FAT3: variants seen among roughly 807,000 people sequenced by gnomAD.
The protein encoded by FAT3 is FAT atypical cadherin 3.
FAT3 carries 95 observed loss-of-function variants against 310.2 expected under a neutral mutation model. The observed-to-expected ratio is 0.31, with a 90% CI of 0.26 to 0.36. The LOEUF (loss-of-function observed/expected upper bound fraction) is 0.36. Ranked by LOEUF, FAT3 falls within the 10% of genes least tolerant of loss-of-function variation. The pLI, the probability that FAT3 is intolerant of heterozygous loss-of-function variation, is 1.00. For missense variants in FAT3, 5,408 were observed against 5,715.6 expected (o/e 0.95, Z 1.74); for synonymous variants, 2,314 against 2,192.9 (o/e 1.06, Z -1.54).
chr11:92,856,135 T>C (rs1301062713), intron 19 of FAT3, among the ~76,000 whole-genome samples: 1 of 152,062 alleles, frequency 6.6e-6, no homozygotes, highest in Non-Finnish European at 1.5e-5. Context: ...CATGAACCAC[T>C]GCACTTGGCT....
At chr11:92,630,868 G>T (rs1457318721) in intron 3 of FAT3, among the ~76,000 whole-genome samples, 2 of 152,136 alleles carry the variant, frequency 1.3e-5, no homozygotes, top group South Asian at 4.1e-4. Context: ...CATATTCTCA[G>T]CTAGTAGCAG....
intron 2 of FAT3, among the ~76,000 whole-genome samples, chr11:92,401,277 C>T (rs1591232590): frequency 2.0e-5 from 3 of 152,068 alleles, no homozygotes; most frequent in South Asian, 4.1e-4. Context: ...GGCTTTTCCC[C>T]CTGGAACTCT....
At chr11:92,608,937 C>A (rs1565454277) in intron 3 of FAT3, among the ~76,000 whole-genome samples, 1 of 152,102 alleles carries the variant, frequency 6.6e-6, no homozygotes, top group Non-Finnish European at 1.5e-5. Context: ...GCTACAGTAT[C>A]ATGGCACAGA....
chr11:92,342,266 T>C (rs183222096), intron 1 of FAT3, among the ~76,000 whole-genome samples: 1 of 152,270 alleles, frequency 6.6e-6, no homozygotes, highest in Non-Finnish European at 1.5e-5. Context: ...ACCTCAATGA[T>C]GTATGGCAGC....
chr11:92,321,267 T>C (rs912769239), intron 1 of FAT3, among the ~76,000 whole-genome samples: 7 of 151,926 alleles, frequency 4.6e-5, no homozygotes, highest in Non-Finnish European at 7.4e-5. Flanking sequence ...AAACCCCATC[T>C]CTACTAAAAA....
chr11:92,831,700 T>C lies in FAT3; in HGVS notation c.9560T>C (p.Ile3187Thr). ...TCCATTGACAGCTCATCTGGCATCATCATCCTGGAGCAGCCACTGGACCGT... is the reference window on the plus strand; with the variant it reads ...TCCATTGACAGCTCATCTGGCATCACCATCCTGGAGCAGCCACTGGACCGT... ...VFSIDSSSGIIILEQPLDREQ... is the reference protein window; with the variant it reads ...VFSIDSSSGITILEQPLDREQ... Residue 3187 changes from isoleucine (I) to threonine (T), a missense_variant, in exon 14 of 28, where the codon ATC becomes ACC. Ile to Thr is a moderately conservative substitution (Grantham distance 89). Around this residue, in one of 5 missense-constraint regions of FAT3, gnomAD observed 4,588 missense variants for 4,809.8 expected, o/e 0.95. Coordinates refer to ENST00000525166, the MANE Select transcript of FAT3 (RefSeq NM_001367949.2). 1 of 1,613,570 alleles carries C rather than the reference T, an allele frequency of 6.2e-7. No homozygotes were observed. Among genetic ancestry groups the C allele is most frequent in the Non-Finnish European group, 8.5e-7 (1 of 1,179,780 alleles).
At chr11:92,575,832 C>T (rs1015383715) in intron 3 of FAT3, among the ~76,000 whole-genome samples, 20 of 152,002 alleles carry the variant, frequency 1.3e-4, no homozygotes, top group African/African-American at 4.6e-4. Flanking sequence ...GAAGGCTTTT[C>T]TTCAGGACTG....
chr11:92,695,248 T>C (rs774518126), intron 3 of FAT3, among the ~76,000 whole-genome samples: 29 of 152,182 alleles, frequency 1.9e-4, no homozygotes, highest in Non-Finnish European at 4.1e-4. Context: ...ACTTTACTCT[T>C]AGAATCAGAG....
intron 2 of FAT3, among the ~76,000 whole-genome samples, chr11:92,457,125 G>T (rs1378699572): frequency 1.3e-5 from 2 of 152,182 alleles, no homozygotes; most frequent in Non-Finnish European, 2.9e-5. Flanking sequence ...ATGAAGACCA[G>T]AAAGAGCCTC....
At chr11:92,882,602 C>A (rs1555169715) in intron 23 of FAT3, 136 bp from the exon 24 acceptor site, 34 of 522,612 alleles carry the variant, frequency 6.5e-5, no homozygotes, top group Non-Finnish European at 3.9e-5. Flanking sequence ...CCCCACCAAC[C>A]ATCTTTGTCC....
chr11:92,664,713 T>C (rs935461818), intron 3 of FAT3, among the ~76,000 whole-genome samples: 1 of 152,222 alleles, frequency 6.6e-6, no homozygotes, highest in African/African-American at 2.4e-5. Context: ...ATACATGCTT[T>C]CATCCCAGAA....
At position 92,866,964 on chromosome 11, in the gene FAT3, TG is replaced by T. The variant is rs749536707; in HGVS notation, c.11884del (p.Val3962CysfsTer9). On this transcript the variant is annotated frameshift_variant, in exon 22 of 28. Transcript: ENST00000525166. LOFTEE classifies it high-confidence loss of function. ...STESSIYFGA[L>X]VQADNIRSLT... is the part of the protein sequence containing the mutation. ...GAGAGTAGCATCTACTTCGGCGCCCTGGTGCAAGCGGATAACATCCGCAGCC... is the reference window on the plus strand; with the variant it reads ...GAGAGTAGCATCTACTTCGGCGCCCTGTGCAAGCGGATAACATCCGCAGCC... 6.2e-7 allele frequency: 1 copy of T among 1,613,020 alleles called. No individual in the cohort carries two copies. The highest frequency in any genetic ancestry group is 1.7e-5 in the Admixed American group (1 of 59,964).
At chr11:92,230,995 T>G (rs1435238723) in intron 1 of FAT3, among the ~76,000 whole-genome samples, 1 of 152,226 alleles carries the variant, frequency 6.6e-6, no homozygotes, top group Non-Finnish European at 1.5e-5. Context: ...AGCTCCTTTT[T>G]GGAAGAACGT....
At chr11:92,789,762 G>A (rs1454624947) in intron 7 of FAT3, among the ~76,000 whole-genome samples, 181 bp from the exon 8 acceptor site, 2 of 152,072 alleles carry the variant, frequency 1.3e-5, no homozygotes, top group African/African-American at 2.4e-5. Context: ...ATAAACTACT[G>A]GTTTATTGTC....
At chr11:92,233,972 G>A (rs1214586892) in intron 1 of FAT3, among the ~76,000 whole-genome samples, 1 of 152,162 alleles carries the variant, frequency 6.6e-6, no homozygotes, top group African/African-American at 2.4e-5. Context: ...CATATCCAAA[G>A]AGAAAGAGGG....
chr11:92,234,536 GCAGGCAGA>G (rs1489294029), intron 1 of FAT3, among the ~76,000 whole-genome samples: 1 of 151,956 alleles, frequency 6.6e-6, no homozygotes. Flanking sequence ...GGAGGCTGAG[GCAGGCAGA>G]TCACCTGAGG....
At chr11:92,234,985 C>A (rs1049294057) in intron 1 of FAT3, among the ~76,000 whole-genome samples, 3 of 151,568 alleles carry the variant, frequency 2.0e-5, no homozygotes, top group Admixed American at 1.3e-4. Flanking sequence ...GCAGGAGAAT[C>A]GCTTCAACCT....
intron 2 of FAT3, among the ~76,000 whole-genome samples, chr11:92,477,215 T>C (rs1952073015): frequency 6.6e-6 from 1 of 152,218 alleles, no homozygotes; most frequent in Non-Finnish European, 1.5e-5. Context: ...TCTATGGTAA[T>C]GTGAGACTGC....
In FAT3 at chr11:92,809,845, G is replaced by A. The variant is rs778044804; in HGVS notation, c.9250G>A (p.Glu3084Lys). ...SEFFLDPESG[E>K]LKTLALLDRE... ...CATGCTGCCATTTATTTTCACAGGC[G>A]AGTTAAAAACCTTGGCTCTGTTGGA... Residue 3084 changes from glutamate to lysine, a missense_variant and splice_region_variant, in exon 13 of 28, where the codon GAG becomes AAG. By Grantham distance (56) the Glu-to-Lys change is moderately conservative. This residue lies in a region of FAT3 where 4,588 missense variants were observed against 4,809.8 expected (regional missense o/e 0.95). Coordinates refer to ENST00000525166, the MANE Select transcript of FAT3 (RefSeq NM_001367949.2). 8.7e-6 allele frequency: 14 copies of A among 1,609,144 alleles called. No homozygotes were observed. Among genetic ancestry groups the A allele is most frequent in the South Asian group, 6.6e-5 (6 of 90,830 alleles).
Sources: allele counts gnomAD v4.1 joint callset (sites outside exome capture counted in the v4.1 genomes callset), GRCh38; gene constraint gnomAD v4.1.1; regional missense constraint gnomAD v4.1.1; transcripts MANE v1.5; gene names NCBI Gene and HGNC (gene_info 2026-07-23, HGNC 2026-07-21).